Variants in FBXW4 observed in about 807,000 individuals in gnomAD.
FBXW4 encodes F-box/WD repeat-containing protein 4.
In FBXW4, 40 loss-of-function variants were observed where a neutral mutation model predicts 61.8. That is an observed-to-expected ratio of 0.65 (90% CI 0.50 to 0.84). FBXW4 has a LOEUF of 0.84. Ranked by LOEUF, FBXW4 falls within the 40% of genes least tolerant of loss-of-function variation. FBXW4 has a pLI of 0.00. For synonymous variants in FBXW4, 311 were observed against 313.8 expected, an observed-to-expected ratio of 0.99 and a Z score of 0.10; for missense variants, 672 against 753.8, an observed-to-expected ratio of 0.89 and a Z score of 1.27.
chr10:101,641,234 T>C lies in FBXW4; in HGVS notation c.1236-16424A>G, dbSNP rs188245669. Among the ~76,000 whole-genome samples, 22 of 152,250 alleles carry C rather than the reference T, an allele frequency of 1.4e-4. 1 individual carries two copies. The East Asian group carries it at 3.5e-3, about 24-fold the overall frequency. ...TAATTTTAATTAAAAGCATGCACAA[T>C]TGGATAGGAGAATCTTTGAGGGGGA... is the stretch of plus-strand genomic sequence containing the variant. On this transcript the variant is annotated intron_variant, in intron 5 of 8. Coordinates refer to ENST00000331272, the MANE Select transcript of FBXW4 (RefSeq NM_022039.4).
At chr10:101,630,545 G>A (rs376892890) in intron 5 of FBXW4, among the ~76,000 whole-genome samples, 4 of 152,120 alleles carry the variant, frequency 2.6e-5, no homozygotes, top group Non-Finnish European at 5.9e-5. Context: ...GCTAACCTCC[G>A]CCACTGACAT....
intron 6 of FBXW4, among the ~76,000 whole-genome samples, chr10:101,613,310 A>T (rs1002394833): frequency 6.6e-6 from 1 of 152,198 alleles, no homozygotes; most frequent in African/African-American, 2.4e-5. Flanking sequence ...CTACCCCTCA[A>T]CATCAAGTGC....
At chr10:101,664,470 C>T (rs1589768641) in intron 5 of FBXW4, among the ~76,000 whole-genome samples, 2 of 152,290 alleles carry the variant, frequency 1.3e-5, no homozygotes, top group East Asian at 3.9e-4. Flanking sequence ...CTCATATTTT[C>T]CATGAGGAGT....
chr10:101,694,303 C>G lies in FBXW4; in HGVS notation c.725+78G>C. 1 of 1,299,920 alleles carries G rather than the reference C, an allele frequency of 7.7e-7. No individual in the cohort carries two copies. The highest frequency in any genetic ancestry group is 9.8e-7 in the Non-Finnish European group (1 of 1,017,554). 80.5% of individuals were successfully genotyped at this position (1,299,920 alleles called of 1,614,324 possible). ...GGGTGCGACACGACCCTGGGCCGACCAGGCCGCGGCGCCCCGCCCTTTCCC... is the reference window on the plus strand; with the variant it reads ...GGGTGCGACACGACCCTGGGCCGACGAGGCCGCGGCGCCCCGCCCTTTCCC... On this transcript the variant is annotated intron_variant, in intron 1 of 8. Coordinates refer to ENST00000331272, the MANE Select transcript of FBXW4 (RefSeq NM_022039.4). The surrounding 1 kb of genome is among the most constrained non-coding windows in gnomAD (Gnocchi z 6.0).
chr10:101,655,965 A>G (rs1430791081), intron 5 of FBXW4, among the ~76,000 whole-genome samples: 1 of 152,220 alleles, frequency 6.6e-6, no homozygotes, highest in African/African-American at 2.4e-5. Flanking sequence ...GAAGCGAGGA[A>G]GGAACACTCA....
intron 4 of FBXW4, among the ~76,000 whole-genome samples, chr10:101,668,710 C>T (rs2064330816): frequency 6.6e-6 from 1 of 152,258 alleles, no homozygotes; most frequent in Admixed American, 6.5e-5. Flanking sequence ...CCACTCTGGG[C>T]TTAACTCTAA....
intron 6 of FBXW4, among the ~76,000 whole-genome samples, chr10:101,616,196 A>C (rs1437915473): frequency 6.6e-6 from 1 of 152,170 alleles, no homozygotes; most frequent in African/African-American, 2.4e-5. Flanking sequence ...GAAGGGTGAC[A>C]AAAGAGTTGA....
Position 101,676,335 on chromosome 10 carries a change from A to T in FBXW4, c.821+6T>A. The T allele has an allele frequency of 6.2e-7, 1 of 1,612,064 alleles. No homozygotes were observed. The highest frequency in any genetic ancestry group is 1.1e-5 in the South Asian group (1 of 90,846). ...GTAGCTTTTAAAAAGTCAAGAGGCT[A>T]CTTGCCTGCATCTCCACTTCAGCAG... On this transcript the variant is annotated splice_donor_region_variant and intron_variant, in intron 2 of 8. Coordinates refer to ENST00000331272, the MANE Select transcript of FBXW4 (RefSeq NM_022039.4).
At chr10:101,635,941 G>C (rs1015344622) in intron 5 of FBXW4, among the ~76,000 whole-genome samples, 1 of 152,010 alleles carries the variant, frequency 6.6e-6, no homozygotes, top group Non-Finnish European at 1.5e-5. Flanking sequence ...AGGGAAGAGC[G>C]ATCTTATAAA....
At chr10:101,671,186 GACA>G (rs1004631501) in intron 4 of FBXW4, among the ~76,000 whole-genome samples, 2 of 152,164 alleles carry the variant, frequency 1.3e-5, no homozygotes, top group Admixed American at 6.5e-5. Flanking sequence ...TGGATGCAAA[GACA>G]ACAACAGAAA....
intron 1 of FBXW4, among the ~76,000 whole-genome samples, chr10:101,682,301 G>C (rs866424810): frequency 2.0e-5 from 3 of 152,116 alleles, no homozygotes; most frequent in African/African-American, 7.2e-5. Flanking sequence ...GAATTATTCT[G>C]TTGGGTGAAT....
chr10:101,687,739 G>A (rs2064548799), intron 1 of FBXW4, among the ~76,000 whole-genome samples: 1 of 152,132 alleles, frequency 6.6e-6, no homozygotes, highest in African/African-American at 2.4e-5. Flanking sequence ...CAAAAGTCTA[G>A]GAACAAATTC....
intron 6 of FBXW4, among the ~76,000 whole-genome samples, chr10:101,616,133 G>A (rs1053684511): frequency 6.6e-6 from 1 of 152,174 alleles, no homozygotes; most frequent in Admixed American, 6.5e-5. Flanking sequence ...GCACCTGTCT[G>A]CCATGTGCTA....
chr10:101,670,423 A>G (rs768357561), intron 4 of FBXW4, among the ~76,000 whole-genome samples: 16 of 152,356 alleles, frequency 1.1e-4, no homozygotes, highest in Non-Finnish European at 2.1e-4. Context: ...GCACAGCAGC[A>G]AAGTATTTGG....
intron 1 of FBXW4, among the ~76,000 whole-genome samples, chr10:101,679,925 C>A (rs1451012520): frequency 4.6e-5 from 7 of 152,088 alleles, no homozygotes; most frequent in Admixed American, 2.6e-4. Flanking sequence ...GTCCATTACA[C>A]CACTCTGTAC....
At chr10:101,643,326 C>G (rs1367923047) in intron 5 of FBXW4, among the ~76,000 whole-genome samples, 1 of 152,248 alleles carries the variant, frequency 6.6e-6, no homozygotes, top group African/African-American at 2.4e-5. Flanking sequence ...TGTGCTATGG[C>G]TCAACTCCCA....
At chr10:101,670,992 C>T (rs913332131) in intron 4 of FBXW4, among the ~76,000 whole-genome samples, 1 of 152,182 alleles carries the variant, frequency 6.6e-6, no homozygotes, top group Non-Finnish European at 1.5e-5. Context: ...TTGGGAAACT[C>T]CCCAAAAATA....
At chr10:101,660,152 G>A in intron 5 of FBXW4, 2 of 985,448 alleles carry the variant, frequency 2.0e-6, no homozygotes, top group Non-Finnish European at 2.4e-6. Context: ...GGTCAGATAA[G>A]AGGAGAAAGA....
At chr10:101,650,994 T>A (rs529950573) in intron 5 of FBXW4, among the ~76,000 whole-genome samples, 2 of 152,310 alleles carry the variant, frequency 1.3e-5, no homozygotes, top group East Asian at 3.9e-4. Flanking sequence ...GCCTGGGCCC[T>A]GAGTTCGGCA....
Sources: allele counts gnomAD v4.1 joint callset (sites outside exome capture counted in the v4.1 genomes callset), GRCh38; gene constraint gnomAD v4.1.1; non-coding constraint Gnocchi (gnomAD v3.1); transcripts MANE v1.5; gene names NCBI Gene and HGNC (gene_info 2026-07-23, HGNC 2026-07-21).